FOXO3B: variants seen among roughly 807,000 people sequenced by gnomAD.
FOXO3B encodes forkhead box O3B.
A neutral mutation model predicts 21.9 loss-of-function variants in FOXO3B; 15 were observed. The ratio of observed to expected loss-of-function variants is 0.68; its 90% confidence interval spans 0.46 to 1.05. FOXO3B has a LOEUF of 1.05. FOXO3B is among the 50% of genes least tolerant of loss of function. The pLI is 0.00. For synonymous variants in FOXO3B, 135 were observed against 213.6 expected, an observed-to-expected ratio of 0.63 and a Z score of 3.21; for missense variants, 293 against 435.5, an observed-to-expected ratio of 0.67 and a Z score of 2.91.
chr17:18,679,149 C>A (rs2032542166), intron 3 of FOXO3B, among the ~76,000 whole-genome samples: 1 of 152,058 alleles, frequency 6.6e-6, no homozygotes, highest in African/African-American at 2.4e-5. Flanking sequence ...TGTAGCCAGA[C>A]CTAGATTTTT....
At position 18,671,596 on chromosome 17, in the gene FOXO3B, G is replaced by C. The variant is rs1305173646; in HGVS notation, c.*713C>G. 22 of 1,613,594 alleles carry C rather than the reference G, an allele frequency of 1.4e-5. No individual in the cohort carries two copies. Among genetic ancestry groups the C allele is most frequent in the Non-Finnish European group, 1.9e-5 (22 of 1,179,858 alleles). On this transcript the variant is annotated 3_prime_UTR_variant, in exon 4 of 4. Transcript: ENST00000395675. The stretch of plus-strand genomic sequence containing the variant: ...TGGATGGTCTGCATGGGAGACTGGC[G>C]TAGGGAGTTCAGAGATGAAGGTCCA...
chr17:18,672,075 A>C lies in FOXO3B; in HGVS notation c.*234T>G. 6.2e-7 allele frequency: 1 copy of C among 1,610,574 alleles called. No homozygotes were observed. Among genetic ancestry groups the C allele is most frequent in the Non-Finnish European group, 8.5e-7 (1 of 1,178,272 alleles). ...CAGACCACTTGGAGAGCTGGGAGGG[A>C]CTGTCGTCAGCTGATTCGGGGGCTG... On this transcript the variant is annotated 3_prime_UTR_variant, in exon 4 of 4. Coordinates refer to ENST00000395675, the MANE Select transcript of FOXO3B (RefSeq NM_001368135.1). The surrounding 1 kb of genome is among the most constrained non-coding windows in gnomAD (Gnocchi z 4.2).
rs2032311157 is a variant in FOXO3B, at chr17:18,668,698, T to C, written c.*3611A>G. On this transcript the variant is annotated 3_prime_UTR_variant, in exon 4 of 4. Coordinates refer to ENST00000395675, the MANE Select transcript of FOXO3B (RefSeq NM_001368135.1). ...TAGAATTCTCCTATCCCCCCACCCT[T>C]TTCCATCTCGCTCCCCACTCTAGCC... The C allele has an allele frequency of 1.3e-5, 2 of 152,196 alleles. No individual in the cohort carries two copies. The highest frequency in any genetic ancestry group is 2.9e-5 in the Non-Finnish European group (2 of 68,012). 9.4% of individuals were successfully genotyped at this position (152,196 alleles called of 1,614,324 possible). A position where few individuals can be genotyped will look rare whatever the true frequency, so the allele number is the denominator to read the frequency against.
intron 3 of FOXO3B, among the ~76,000 whole-genome samples, chr17:18,678,886 T>G (rs1364904817): frequency 6.6e-6 from 1 of 152,116 alleles, no homozygotes; most frequent in African/African-American, 2.4e-5. Flanking sequence ...CTATAAAGAA[T>G]TACACTTAAA....
intron 3 of FOXO3B, among the ~76,000 whole-genome samples, chr17:18,679,816 G>T (rs2032552506): frequency 6.7e-6 from 1 of 150,294 alleles, no homozygotes; most frequent in African/African-American, 2.5e-5. Flanking sequence ...CACTGATATA[G>T]TACAATCACC....
rs2032391355 is a variant in FOXO3B, at chr17:18,672,555, C to T, written c.627G>A (p.Gln209=). 1 of 1,453,510 alleles carries T rather than the reference C, an allele frequency of 6.9e-7. No homozygotes were observed. The highest frequency in any genetic ancestry group is 9.0e-7 in the Non-Finnish European group (1 of 1,107,012). 90.0% of individuals were successfully genotyped at this position (1,453,510 alleles called of 1,614,324 possible). ...TAAGGLSGGT[Q]ALLQPQQPLP... ...GCGGTTGCTGAGGCTGCAGCAGCGC[C>T]TGTGTACCCCCGCTCAGCCCGCCCG... The change falls in exon 4 of 4, where the codon CAG becomes CAA. Residue 209 remains glutamine, a synonymous_variant. Coordinates refer to ENST00000395675, the MANE Select transcript of FOXO3B (RefSeq NM_001368135.1). The surrounding 1 kb of genome is among the most constrained non-coding windows in gnomAD (Gnocchi z 4.2).
rs2032312435 is a variant in FOXO3B at position 18,668,784 on chromosome 17, T to G, written c.*3525A>C. 6.6e-6 allele frequency: 1 copy of G among 152,074 alleles called. No homozygotes were observed. Among genetic ancestry groups the G allele is most frequent in the Non-Finnish European group, 1.5e-5 (1 of 67,992 alleles). The allele number at this position is 152,074 out of a possible 1,614,324, so 9.4% of individuals were successfully genotyped here. On this transcript the variant is annotated 3_prime_UTR_variant, in exon 4 of 4. Transcript: ENST00000395675. Reference sequence around the variant, plus strand: ...CCAGGGCAGCATCCCTTAGGAAGCTTGGAGAGGCAACCCTCCTTCACTGCT... The same window carrying G: ...CCAGGGCAGCATCCCTTAGGAAGCTGGGAGAGGCAACCCTCCTTCACTGCT...
Position 18,678,580 on chromosome 17 carries a change from GA to G in FOXO3B, c.126+2160del, listed in dbSNP as rs532587298. Among the ~76,000 whole-genome samples, 315 of 151,744 alleles carry G rather than the reference GA, an allele frequency of 2.1e-3. 1 individual carries two copies. The highest frequency in any genetic ancestry group is 7.4e-3 in the African/African-American group (304 of 41,324). On this transcript the variant is annotated intron_variant, in intron 3 of 3. Coordinates refer to ENST00000395675, the MANE Select transcript of FOXO3B (RefSeq NM_001368135.1). ...AAATAGCCCAGGCAAATTCTAACAA[GA>G]AAAAAAGCTCCAATATTGCATTTTA...
chr17:18,670,584 G>A lies in FOXO3B; in HGVS notation c.*1725C>T, dbSNP rs1276867870. Reference sequence around the variant, plus strand: ...AAAACACCACAGAATGGCCGAAGAGGGCTCACGGTGTGCTCTGAACGAGGG... The same window carrying A: ...AAAACACCACAGAATGGCCGAAGAGAGCTCACGGTGTGCTCTGAACGAGGG... On this transcript the variant is annotated 3_prime_UTR_variant, in exon 4 of 4. Transcript: ENST00000395675. Among the ~76,000 whole-genome samples the A allele has an allele frequency of 5.3e-5, 8 of 152,206 alleles. No individual in the cohort carries two copies. The highest frequency in any genetic ancestry group is 1.0e-4 in the Non-Finnish European group (7 of 68,044).
Position 18,672,814 on chromosome 17 carries a change from G to C in FOXO3B, c.368C>G (p.Pro123Arg), listed in dbSNP as rs1408540052. ...PRSCTWPLQR[P>R]ELQASPAKPS... ...CTTGGCAGGGCTCGCTTGGAGCTCC[G>C]GCCTTTGCAGGGGCCACGTACAGGA... is the stretch of plus-strand genomic sequence containing the variant. Residue 123 changes from proline to arginine, a missense_variant, in exon 4 of 4, where the codon CCG becomes CGG. By Grantham distance (103) the Pro-to-Arg change is moderately radical. Around this residue, in one of 2 missense-constraint regions of FOXO3B, gnomAD observed 251 missense variants for 404.0 expected, o/e 0.62. Coordinates refer to ENST00000395675, the MANE Select transcript of FOXO3B (RefSeq NM_001368135.1). The surrounding 1 kb of genome is among the most constrained non-coding windows in gnomAD (Gnocchi z 4.2). The C allele has an allele frequency of 6.4e-7, 1 of 1,556,674 alleles. No homozygotes were observed. Among genetic ancestry groups the C allele is most frequent in the Non-Finnish European group, 8.7e-7 (1 of 1,153,286 alleles).
chr17:18,672,930 C>G lies in FOXO3B; in HGVS notation c.252G>C (p.Ala84=). 6.5e-7 allele frequency: 1 copy of G among 1,536,764 alleles called. No homozygotes were observed. Among genetic ancestry groups the G allele is most frequent in the Admixed American group, 2.0e-5 (1 of 50,448 alleles). The part of the protein sequence containing the change: ...ARTPAAAGRA[A]KMAEAPASPA... The stretch of plus-strand genomic sequence containing the variant: ...GGGAAGCCGGTGCCTCTGCCATCTT[C>G]GCCGCCCGCCCGGCCGCGGCTGGGG... The change falls in exon 4 of 4, where the codon GCG becomes GCC. Residue 84 remains alanine, a synonymous_variant. Coordinates refer to ENST00000395675, the MANE Select transcript of FOXO3B (RefSeq NM_001368135.1). The surrounding 1 kb of genome is among the most constrained non-coding windows in gnomAD (Gnocchi z 4.2).
chr17:18,680,780 C>A lies in FOXO3B; in HGVS notation c.87G>T (p.Glu29Asp), dbSNP rs1317255031. The A allele has an allele frequency of 6.2e-7, 1 of 1,613,526 alleles. No homozygotes were observed. The highest frequency in any genetic ancestry group is 2.2e-5 in the East Asian group (1 of 44,888). ...SPHFQEKSTE[E>D]GEVAALRLTA... is the part of the protein sequence containing the mutation. ...TGAGGCGCAGAGCAGCCACTTCTCCCTCTTCTGTGCTCTTCTCTTGGAAAT... is the reference window on the plus strand; with the variant it reads ...TGAGGCGCAGAGCAGCCACTTCTCCATCTTCTGTGCTCTTCTCTTGGAAAT... Residue 29 changes from glutamate to aspartate, a missense_variant, in exon 3 of 4, where the codon GAG (glutamate) becomes GAT (aspartate). Glu to Asp is a conservative substitution (Grantham distance 45). Coordinates refer to ENST00000395675, the MANE Select transcript of FOXO3B (RefSeq NM_001368135.1).
In FOXO3B at chr17:18,672,804, T is replaced by C. The variant is rs1339822837; in HGVS notation, c.378A>G (p.Gln126=). Residue 126 remains glutamine (Q), a synonymous_variant, in exon 4 of 4, where the codon CAA becomes CAG. Coordinates refer to ENST00000395675, the MANE Select transcript of FOXO3B (RefSeq NM_001368135.1). The surrounding 1 kb of genome is among the most constrained non-coding windows in gnomAD (Gnocchi z 4.2). ...CCCCCGAGGGCTTGGCAGGGCTCGC[T>C]TGGAGCTCCGGCCTTTGCAGGGGCC... ...CTWPLQRPEL[Q]ASPAKPSGET... 6.4e-7 allele frequency: 1 copy of C among 1,558,472 alleles called. No homozygotes were observed. The highest frequency in any genetic ancestry group is 1.2e-5 in the South Asian group (1 of 85,236).
rs961755135 is a variant in FOXO3B at position 18,671,746 on chromosome 17, T to A, written c.*563A>T. 14 of 1,613,524 alleles carry A rather than the reference T, an allele frequency of 8.7e-6. No homozygotes were observed. The highest frequency in any genetic ancestry group is 1.2e-5 in the Non-Finnish European group (14 of 1,179,916). On this transcript the variant is annotated 3_prime_UTR_variant, in exon 4 of 4. Coordinates refer to ENST00000395675, the MANE Select transcript of FOXO3B (RefSeq NM_001368135.1). ...GATGGCTGGGATGGCGGGAGCGTGATGTTATCCAGCAGGTCGTCCATGAGG... is the reference window on the plus strand; with the variant it reads ...GATGGCTGGGATGGCGGGAGCGTGAAGTTATCCAGCAGGTCGTCCATGAGG...
At chr17:18,675,266 A>G (rs1022421040) in intron 3 of FOXO3B, among the ~76,000 whole-genome samples, 9 of 151,524 alleles carry the variant, frequency 5.9e-5, no homozygotes, top group African/African-American at 1.7e-4. Flanking sequence ...GAAAAGGCAG[A>G]AAAAAAAAGA....
Position 18,671,884 on chromosome 17 carries a change from T to C in FOXO3B, c.*425A>G. On this transcript the variant is annotated 3_prime_UTR_variant, in exon 4 of 4. Transcript: ENST00000395675. ...AGGTGACAGGCTCGCTGAGCTGCTG[T>C]AGAGCATGGGCGAGAGAGGCGCATC... 2.5e-6 allele frequency: 4 copies of C among 1,613,582 alleles called. No homozygotes were observed. Among genetic ancestry groups the C allele is most frequent in the South Asian group, 1.1e-5 (1 of 91,060 alleles).
rs1225087912 is a variant in FOXO3B, at chr17:18,672,890, G to A, written c.292C>T (p.Pro98Ser). The change falls in exon 4 of 4, where the codon CCG (proline) becomes TCG (serine). Residue 98 changes from proline to serine, a missense_variant. Transcript: ENST00000395675. The surrounding 1 kb of genome is among the most constrained non-coding windows in gnomAD (Gnocchi z 4.2). ...EAPASPAPLS[P>S]LEVELDPEFE... ...TCCGGGTCCAGCTCCACTTCGAGCG[G>A]AGAAAGCGGGGCCGGGGAAGCCGGT... The A allele has an allele frequency of 1.3e-6, 2 of 1,561,108 alleles. No homozygotes were observed. The highest frequency in any genetic ancestry group is 4.7e-5 in the East Asian group (2 of 42,128).
At chr17:18,675,718 G>A (rs1157851657) in intron 3 of FOXO3B, among the ~76,000 whole-genome samples, 1 of 152,060 alleles carries the variant, frequency 6.6e-6, no homozygotes, top group Admixed American at 6.6e-5. Context: ...TTACAAATCA[G>A]TAACATAAAA....
intron 1 of FOXO3B, 40 bp from the exon 2 acceptor site, chr17:18,681,886 A>T: frequency 3.3e-6 from 2 of 613,952 alleles, no homozygotes; most frequent in Non-Finnish European, 5.9e-6. Flanking sequence ...CTGGGTCCTC[A>T]GATGTCTGTC....
Sources: allele counts gnomAD v4.1 joint callset (sites outside exome capture counted in the v4.1 genomes callset), GRCh38; gene constraint gnomAD v4.1.1; regional missense constraint gnomAD v4.1.1; non-coding constraint Gnocchi (gnomAD v3.1); transcripts MANE v1.5; gene names NCBI Gene and HGNC (gene_info 2026-07-23, HGNC 2026-07-21).